Variants in PCLO observed in about 807,000 individuals in gnomAD.
The protein encoded by PCLO is protein piccolo.
In PCLO, 82 loss-of-function variants were observed where a neutral mutation model predicts 427.5. The observed-to-expected ratio is 0.19, with a 90% CI of 0.16 to 0.23. The LOEUF is 0.23. PCLO is among the 10% of genes least tolerant of loss of function. The pLI is 1.00. For missense variants in PCLO, 6,239 were observed against 6,115.9 expected, an observed-to-expected ratio of 1.02 and a Z score of -0.67; for synonymous variants, 2,357 against 2,155.4, an observed-to-expected ratio of 1.09 and a Z score of -2.59.
intron 22 of PCLO, among the ~76,000 whole-genome samples, chr7:82,783,233 G>C (rs1449205876): frequency 6.6e-6 from 1 of 152,152 alleles, no homozygotes; most frequent in Non-Finnish European, 1.5e-5. Flanking sequence ...ACATTCTTTG[G>C]TTTTGAGTTT....
intron 22 of PCLO, among the ~76,000 whole-genome samples, chr7:82,795,755 C>A (rs1433266450): frequency 6.6e-6 from 1 of 152,110 alleles, no homozygotes; most frequent in Non-Finnish European, 1.5e-5. Flanking sequence ...ATGAACCAGA[C>A]AATGTGAAGG....
chr7:82,965,706 T>A, intron 4 of PCLO, 65 bp downstream of exon 4: 2 of 1,081,484 alleles, frequency 1.8e-6, no homozygotes, highest in East Asian at 4.8e-5. Flanking sequence ...GCAACTTGTA[T>A]ACTTAGGTTA....
chr7:82,912,789 T>C (rs1794354378), intron 7 of PCLO, among the ~76,000 whole-genome samples: 1 of 152,076 alleles, frequency 6.6e-6, no homozygotes, highest in Non-Finnish European at 1.5e-5. Context: ...AAGTGCCACG[T>C]ATTGGGATAT....
chr7:82,995,176 T>A (rs571764552), intron 3 of PCLO, among the ~76,000 whole-genome samples: 1 of 152,098 alleles, frequency 6.6e-6, no homozygotes, highest in Admixed American at 6.6e-5. Flanking sequence ...TGGGAAAAGA[T>A]GTACAGTGAG....
intron 22 of PCLO, among the ~76,000 whole-genome samples, chr7:82,798,707 T>G (rs1015438876): frequency 6.6e-6 from 1 of 152,236 alleles, no homozygotes; most frequent in African/African-American, 2.4e-5. Flanking sequence ...TAAAATATTT[T>G]GCTTATAGTG....
At chr7:83,086,808 T>C (rs12707550) in intron 3 of PCLO, among the ~76,000 whole-genome samples, 74,087 of 151,682 alleles carry the variant, frequency 0.49, 18,238 homozygotes, top group African/African-American at 0.51. Context: ...TTGTGAAAGA[T>C]ATAAATGCCC....
intron 22 of PCLO, among the ~76,000 whole-genome samples, chr7:82,786,264 A>G (rs1790981113): frequency 6.6e-6 from 1 of 152,198 alleles, no homozygotes; most frequent in Non-Finnish European, 1.5e-5. Context: ...CAAACCTGAG[A>G]TATAAAATAC....
intron 3 of PCLO, among the ~76,000 whole-genome samples, chr7:83,044,247 C>T (rs923719346): frequency 3.9e-5 from 6 of 152,068 alleles, no homozygotes; most frequent in Non-Finnish European, 7.4e-5. Context: ...CAATCACCTC[C>T]GTCCAGGTCC....
At chr7:82,839,593 C>T (rs1273772263) in intron 14 of PCLO, among the ~76,000 whole-genome samples, 1 of 152,082 alleles carries the variant, frequency 6.6e-6, no homozygotes, top group East Asian at 1.9e-4. Flanking sequence ...CAAACAACTT[C>T]CTGATCTTTA....
In PCLO at chr7:82,955,106, C is replaced by T. The variant is rs1223703765; in HGVS notation, c.5847G>A (p.Gly1949=). Residue 1949 remains glycine (G), a synonymous_variant, in exon 5 of 25, where the codon GGG becomes GGA. Coordinates refer to ENST00000333891, the MANE Select transcript of PCLO (RefSeq NM_033026.6). ...CATAAATATAATCCTCTATTAGCAT[C>T]CCACCATACAAAGGCTCTTTTTCAA... ...EVFEKEPLYG[G]MLIEDYIYES... 4.3e-6 allele frequency: 7 copies of T among 1,613,664 alleles called. No individual in the cohort carries two copies. The highest frequency in any genetic ancestry group is 4.0e-5 in the African/African-American group (3 of 74,896).
chr7:82,826,637 C>G lies in PCLO; in HGVS notation c.14367G>C (p.Val4789=). Residue 4789 remains valine (V), a synonymous_variant, in exon 18 of 25, where the codon GTG becomes GTC. Transcript: ENST00000333891. ...AAAATCTATCATAATCCCAAACTGT[C>G]ACCTCCAGTGTTTTCTTCTTGAGCT... ...MEQLKKKTLE[V]TVWDYDRFSS... The G allele has an allele frequency of 6.2e-7, 1 of 1,606,926 alleles. No homozygotes were observed. The highest frequency in any genetic ancestry group is 8.5e-7 in the Non-Finnish European group (1 of 1,175,454).
At chr7:82,876,808 T>G (rs980528306) in intron 10 of PCLO, among the ~76,000 whole-genome samples, 1 of 152,018 alleles carries the variant, frequency 6.6e-6, no homozygotes. Flanking sequence ...GTTGTAAGAG[T>G]AAATACAGCT....
intron 3 of PCLO, among the ~76,000 whole-genome samples, chr7:82,995,556 G>A (rs1483925638): frequency 6.6e-6 from 1 of 151,946 alleles, no homozygotes; most frequent in African/African-American, 2.4e-5. Flanking sequence ...GCGTGAAGGG[G>A]TGGGTGGAAA....
In PCLO at chr7:83,155,025, G is replaced by C. The variant is rs527289787; in HGVS notation, c.1616C>G (p.Pro539Arg). ...PPSQQPGSAKPSAQQPSPAKP... is the reference protein window; with the variant it reads ...PPSQQPGSAKRSAQQPSPAKP... ...TGCTGGGCTAGGCTGTTGAGCTGAG[G>C]GTTTTGCTGAGCCAGGCTGTTGAGA... Residue 539 changes from proline to arginine, a missense_variant, in exon 2 of 25, where the codon CCC (proline) becomes CGC (arginine). Transcript: ENST00000333891. 6.2e-7 allele frequency: 1 copy of C among 1,613,936 alleles called. No individual in the cohort carries two copies. The highest frequency in any genetic ancestry group is 2.2e-5 in the East Asian group (1 of 44,870).
rs760743235 is a variant in PCLO, at chr7:82,846,595, A to T, written c.13803T>A (p.His4601Gln). ...NMLSDSENSQ[H>Q]LELHEPPKAV... ...CTTTTGGTGGCTCATGAAGTTCCAG[A>T]TGCTGGGAATTTTCAGAATCTGATA... Residue 4601 changes from histidine to glutamine, a missense_variant, in exon 12 of 25, where the codon CAT becomes CAA. Transcript: ENST00000333891. 3.1e-6 allele frequency: 5 copies of T among 1,608,984 alleles called. No individual in the cohort carries two copies. Among genetic ancestry groups the T allele is most frequent in the Non-Finnish European group, 4.2e-6 (5 of 1,177,282 alleles).
At chr7:82,855,284 T>C (rs1368356913) in intron 10 of PCLO, among the ~76,000 whole-genome samples, 1 of 152,134 alleles carries the variant, frequency 6.6e-6, no homozygotes, top group Non-Finnish European at 1.5e-5. Context: ...TTATACTATA[T>C]ATTTAAAAAG....
intron 20 of PCLO, chr7:82,821,109 C>T: frequency 1.9e-6 from 2 of 1,053,102 alleles, no homozygotes; most frequent in Non-Finnish European, 2.3e-6. Context: ...CCTTTCTGCT[C>T]ACCTCCTTCT....
intron 3 of PCLO, among the ~76,000 whole-genome samples, chr7:82,968,695 T>G (rs1795835394): frequency 1.3e-5 from 2 of 151,990 alleles, no homozygotes; most frequent in African/African-American, 4.8e-5. Context: ...ATTTTTTGCA[T>G]TTTTAGTAGA....
chr7:83,000,845 A>G (rs999435), intron 3 of PCLO, among the ~76,000 whole-genome samples: 95,562 of 151,904 alleles, frequency 0.63, 31,606 homozygotes, highest in East Asian at 0.85. Context: ...AAGTGTTTTT[A>G]TTCTTAATTA....
Sources: gnomAD v4.1 joint callset for allele counts (sites outside exome capture counted in the v4.1 genomes callset) on GRCh38, gnomAD v4.1.1 for gene constraint, MANE v1.5 for transcripts, NCBI Gene and HGNC (gene_info 2026-07-23, HGNC 2026-07-21) for gene names.